Variants in PAX5 observed in about 807,000 individuals in gnomAD.
PAX5 encodes the protein paired box protein Pax-5.
Under a neutral mutation model 43.7 loss-of-function variants are expected in PAX5, and 9 were observed. The ratio of observed to expected loss-of-function variants is 0.21; its 90% CI spans 0.12 to 0.36. The LOEUF (loss-of-function observed/expected upper bound fraction) is 0.36. Among genes scored for constraint, PAX5 ranks in the 10% least tolerant of loss-of-function variants. The pLI is 1.00. For missense variants in PAX5, 383 were observed against 532.7 expected, an observed-to-expected ratio of 0.72 and a Z score of 2.77; for synonymous variants, 228 against 214.3, an observed-to-expected ratio of 1.06 and a Z score of -0.56.
intron 8 of PAX5, among the ~76,000 whole-genome samples, chr9:36,851,323 T>C (rs1297220696): frequency 6.6e-6 from 1 of 152,048 alleles, no homozygotes; most frequent in African/African-American, 2.4e-5. Context: ...TAGAAGAACA[T>C]TGAAGAAGTG....
chr9:36,851,790 C>A (rs1368884903), intron 8 of PAX5, among the ~76,000 whole-genome samples: 1 of 152,112 alleles, frequency 6.6e-6, no homozygotes, highest in Non-Finnish European at 1.5e-5. Context: ...CGGGCTGATC[C>A]CCCTTCTCTG....
At chr9:36,843,004 G>A (rs975383389) in intron 9 of PAX5, among the ~76,000 whole-genome samples, 2 of 152,166 alleles carry the variant, frequency 1.3e-5, no homozygotes, top group South Asian at 2.1e-4. Context: ...GGGGATGTGA[G>A]CATGTGTCTG....
At chr9:36,898,548 A>G (rs940275714) in intron 7 of PAX5, among the ~76,000 whole-genome samples, 2 of 152,154 alleles carry the variant, frequency 1.3e-5, no homozygotes, top group African/African-American at 4.8e-5. Context: ...GGGCAGGAGG[A>G]CTAGGAGAAT....
rs1041592726 is a variant in PAX5, at chr9:36,839,897, G to A, written c.*663C>T. The A allele has an allele frequency of 1.3e-5, 3 of 234,386 alleles. No homozygotes were observed. Among genetic ancestry groups the A allele is most frequent in the African/African-American group, 2.2e-5 (1 of 45,364 alleles). 14.5% of individuals were successfully genotyped at this position (234,386 alleles called of 1,614,324 possible). On this transcript the variant is annotated 3_prime_UTR_variant, in exon 10 of 10. Transcript: ENST00000358127. ...CCCCAAAGTGTGCTCCTCTTGGAGA[G>A]GGGCCTCAGGGGGAGCCTGCAGCAC...
chr9:37,022,576 C>A (rs906469780), intron 1 of PAX5, among the ~76,000 whole-genome samples: 4 of 152,178 alleles, frequency 2.6e-5, no homozygotes, highest in African/African-American at 9.7e-5. Context: ...TATTATGGTC[C>A]ATCTGCAATA....
At chr9:36,962,943 C>G (rs747935398) in intron 6 of PAX5, among the ~76,000 whole-genome samples, 6 of 152,242 alleles carry the variant, frequency 3.9e-5, no homozygotes, top group Non-Finnish European at 5.9e-5. Flanking sequence ...GAACATTCAC[C>G]TCTTGGAGAG....
At position 36,870,485 on chromosome 9, in the gene PAX5, T is replaced by TA. The variant is rs1825393340; in HGVS notation, c.1012+11518dup. On this transcript the variant is annotated intron_variant, in intron 8 of 9. Transcript: ENST00000358127. ...TCTTTTAAAGGAACAAAATCTAATC[T>TA]AAAAATGGTTTTTAAATGTAATGAA... Among the ~76,000 whole-genome samples the TA allele has an allele frequency of 2.6e-5, 4 of 152,362 alleles. No individual in the cohort carries two copies. In the South Asian group the frequency reaches 8.3e-4, roughly 32 times the overall value.
intron 5 of PAX5, among the ~76,000 whole-genome samples, chr9:36,993,073 A>G (rs1837074075): frequency 6.6e-6 from 1 of 152,128 alleles, no homozygotes; most frequent in Non-Finnish European, 1.5e-5. Context: ...TCATTCTCTC[A>G]CGAGTCTACA....
intron 8 of PAX5, among the ~76,000 whole-genome samples, chr9:36,869,861 T>TGGAA (rs1396644309): frequency 6.9e-6 from 1 of 144,172 alleles, no homozygotes; most frequent in Non-Finnish European, 1.5e-5. Context: ...GATGGATGGA[T>TGGAA]GGATGGATGG....
chr9:36,913,775 T>C (rs10973126), intron 7 of PAX5, among the ~76,000 whole-genome samples: 102,404 of 152,048 alleles, frequency 0.67, 34,957 homozygotes, highest in East Asian at 0.86. Context: ...AGCCATCTGT[T>C]CCCCAGACCC....
intron 6 of PAX5, among the ~76,000 whole-genome samples, chr9:36,955,118 T>C (rs1833336825): frequency 6.6e-6 from 1 of 152,202 alleles, no homozygotes; most frequent in Non-Finnish European, 1.5e-5. Flanking sequence ...TATTCTTTTA[T>C]AATGGTTTCT....
chr9:36,984,597 C>A (rs543973490), intron 5 of PAX5, among the ~76,000 whole-genome samples: 1 of 151,788 alleles, frequency 6.6e-6, no homozygotes, highest in Non-Finnish European at 1.5e-5. Flanking sequence ...CACACAACCA[C>A]GCCAGGCTAA....
chr9:36,942,665 C>T (rs1832148037), intron 6 of PAX5, among the ~76,000 whole-genome samples: 1 of 152,246 alleles, frequency 6.6e-6, no homozygotes, highest in African/African-American at 2.4e-5. Context: ...TCTCATTCTT[C>T]TTCCTTTTTG....
intron 6 of PAX5, among the ~76,000 whole-genome samples, chr9:36,966,092 T>C (rs568008494): frequency 6.6e-6 from 1 of 152,358 alleles, no homozygotes; most frequent in East Asian, 1.9e-4. Flanking sequence ...CAAGGCGACC[T>C]GGTGAGAGGG....
chr9:36,993,942 G>A (rs1261191421), intron 5 of PAX5, among the ~76,000 whole-genome samples: 1 of 152,236 alleles, frequency 6.6e-6, no homozygotes, highest in Non-Finnish European at 1.5e-5. Flanking sequence ...CTGGGGGTAA[G>A]AGGAGGGGGA....
rs1821871065 is a variant in PAX5, at chr9:36,839,388, A to C, written c.*1172T>G. On this transcript the variant is annotated 3_prime_UTR_variant, in exon 10 of 10. Transcript: ENST00000358127. ...CCCCAGCCCCAGCACCTCCATGCCC[A>C]GCTGCCTGCTAAGCTCCACGAGGAC... is the stretch of plus-strand genomic sequence containing the variant. 1 of 233,602 alleles carries C rather than the reference A, an allele frequency of 4.3e-6. No homozygotes were observed. Among genetic ancestry groups the C allele is most frequent in the South Asian group, 1.8e-4 (1 of 5,538 alleles). The allele number at this position is 233,602 out of a possible 1,614,324, so 14.5% of individuals were successfully genotyped here.
At chr9:37,026,673 T>C in intron 1 of PAX5, 2 of 1,333,814 alleles carry the variant, frequency 1.5e-6, no homozygotes, top group Non-Finnish European at 2.0e-6. Context: ...GGCCAGGCAC[T>C]GTGCGAGCTG....
chr9:36,921,651 A>C (rs560780061), intron 7 of PAX5, among the ~76,000 whole-genome samples: 6 of 152,372 alleles, frequency 3.9e-5, no homozygotes, highest in African/African-American at 1.4e-4. Context: ...CCTGGTTCTC[A>C]GTAAGTGCTC....
At chr9:36,906,522 C>G (rs148225889) in intron 7 of PAX5, among the ~76,000 whole-genome samples, 1 of 152,358 alleles carries the variant, frequency 6.6e-6, no homozygotes, top group African/African-American at 2.4e-5. Flanking sequence ...GCCCACCACT[C>G]TTTGATTTTA....
Sources: allele counts gnomAD v4.1 joint callset (sites outside exome capture counted in the v4.1 genomes callset), GRCh38; gene constraint gnomAD v4.1.1; transcripts MANE v1.5; gene names NCBI Gene and HGNC (gene_info 2026-07-23, HGNC 2026-07-21).